SEMA6D: variants seen among roughly 807,000 people sequenced by gnomAD.
SEMA6D encodes the protein semaphorin-6D.
In SEMA6D, 35 loss-of-function variants were observed where a neutral mutation model predicts 106.6. The ratio of observed to expected loss-of-function variants is 0.33; its 90% confidence interval spans 0.25 to 0.44. The LOEUF (loss-of-function observed/expected upper bound fraction) is 0.44. SEMA6D is among the 20% of genes least tolerant of loss of function. SEMA6D has a pLI of 1.00. For missense variants in SEMA6D, 1,185 were observed against 1,345.9 expected (o/e 0.88, Z 1.87); for synonymous variants, 499 against 487.7 (o/e 1.02, Z -0.31).
chr15:47,200,135 C>A (rs1187364531), intron 1 of SEMA6D, among the ~76,000 whole-genome samples: 1 of 152,070 alleles, frequency 6.6e-6, no homozygotes, highest in Non-Finnish European at 1.5e-5. Flanking sequence ...CAAAGGAACA[C>A]TGAAGATTAT....
intron 3 of SEMA6D, among the ~76,000 whole-genome samples, chr15:47,475,686 G>T (rs932828876): frequency 5.3e-5 from 8 of 152,174 alleles, no homozygotes; most frequent in African/African-American, 1.9e-4. Context: ...CCAGTTCATA[G>T]TAAGTCAGAT....
At chr15:47,468,846 T>C (rs1349857311) in intron 2 of SEMA6D, among the ~76,000 whole-genome samples, 2 of 152,090 alleles carry the variant, frequency 1.3e-5, no homozygotes, top group Non-Finnish European at 2.9e-5. Flanking sequence ...CTGCATTCGC[T>C]TACCCTCATC....
chr15:47,556,442 G>A (rs186212978), intron 3 of SEMA6D, among the ~76,000 whole-genome samples: 37 of 152,176 alleles, frequency 2.4e-4, no homozygotes, highest in Non-Finnish European at 1.8e-4. Flanking sequence ...TTCTGAGAAC[G>A]CTTGCTTATC....
intron 1 of SEMA6D, among the ~76,000 whole-genome samples, chr15:47,271,096 T>A (rs1163264946): frequency 6.6e-6 from 1 of 152,178 alleles, no homozygotes; most frequent in East Asian, 1.9e-4. Flanking sequence ...TTTAATGAAA[T>A]ACACAAACCG....
chr15:47,257,064 T>A (rs189730830), intron 1 of SEMA6D, among the ~76,000 whole-genome samples: 3,518 of 150,562 alleles, frequency 0.023, 92 homozygotes, highest in South Asian at 0.12. Flanking sequence ...AGAATTCTTT[T>A]TTTTTTTTTT....
At chr15:47,558,712 G>A (rs147742891) in intron 3 of SEMA6D, among the ~76,000 whole-genome samples, 1 of 152,138 alleles carries the variant, frequency 6.6e-6, no homozygotes, top group African/African-American at 2.4e-5. Context: ...TAAAATCTAT[G>A]AGACATGGAA....
intron 4 of SEMA6D, among the ~76,000 whole-genome samples, chr15:47,681,158 C>A (rs1286820152): frequency 6.6e-6 from 1 of 152,114 alleles, no homozygotes; most frequent in Non-Finnish European, 1.5e-5. Context: ...GCATTAGTCA[C>A]AATAGCCAAG....
At chr15:47,541,218 G>A (rs2045343384) in intron 3 of SEMA6D, among the ~76,000 whole-genome samples, 1 of 152,124 alleles carries the variant, frequency 6.6e-6, no homozygotes, top group African/African-American at 2.4e-5. Flanking sequence ...TGAAAATGCT[G>A]TTAGGAAGGC....
intron 2 of SEMA6D, among the ~76,000 whole-genome samples, chr15:47,433,435 G>A (rs1354158515): frequency 3.3e-5 from 5 of 151,922 alleles, no homozygotes; most frequent in African/African-American, 1.2e-4. Flanking sequence ...CCACAGTAGA[G>A]ACTTCAATGA....
At chr15:47,560,008 A>G (rs1362090232) in intron 3 of SEMA6D, among the ~76,000 whole-genome samples, 1 of 152,156 alleles carries the variant, frequency 6.6e-6, no homozygotes, top group Non-Finnish European at 1.5e-5. Flanking sequence ...GAGTAGGAAC[A>G]TCAGCAGCTA....
chr15:47,219,104 G>A (rs1181717474), intron 1 of SEMA6D, among the ~76,000 whole-genome samples: 1 of 152,164 alleles, frequency 6.6e-6, no homozygotes, highest in East Asian at 1.9e-4. Context: ...ACTTGAAGAA[G>A]TAAATCTTTT....
chr15:47,745,343 T>C (rs1485795667), intron 1 of SEMA6D, among the ~76,000 whole-genome samples: 6 of 152,166 alleles, frequency 3.9e-5, no homozygotes, highest in Non-Finnish European at 8.8e-5. Context: ...TACAGGGTAA[T>C]GGAGGGACCA....
intron 4 of SEMA6D, among the ~76,000 whole-genome samples, chr15:47,692,301 A>G (rs2078605029): frequency 6.6e-6 from 1 of 152,124 alleles, no homozygotes; most frequent in African/African-American, 2.4e-5. Context: ...GCTTGTAGTT[A>G]AAAGTGTTAT....
rs1411158435 is a variant in SEMA6D, at chr15:47,771,618, G to T, written c.3055G>T (p.Val1019Phe). 1.2e-6 allele frequency: 2 copies of T among 1,614,010 alleles called. No homozygotes were observed. Among genetic ancestry groups the T allele is most frequent in the Non-Finnish European group, 1.7e-6 (2 of 1,179,996 alleles). The change falls in exon 19 of 19, where the codon GTT becomes TTT. Residue 1019 changes from valine (V) to phenylalanine (F), a missense_variant. By Grantham distance (50) the Val-to-Phe change is conservative. This residue lies in a region of SEMA6D where 750 missense variants were observed against 783.5 expected (regional missense o/e 0.96). Coordinates refer to ENST00000536845, the MANE Select transcript of SEMA6D (RefSeq NM_001358351.3). ...VDYIQGTPVSVHLQPSLSRQS... is the reference protein window; with the variant it reads ...VDYIQGTPVSFHLQPSLSRQS... ...CTATATTCAGGGAACACCAGTGAGT[G>T]TTCATCTGCAGCCTTCCCTCTCCAG...
At chr15:47,255,417 T>C (rs953815537) in intron 1 of SEMA6D, among the ~76,000 whole-genome samples, 1 of 152,220 alleles carries the variant, frequency 6.6e-6, no homozygotes, top group Middle Eastern at 3.4e-3. Flanking sequence ...TTTATTTTTT[T>C]AATCTCTATT....
At chr15:47,484,603 T>G (rs1043348505) in intron 3 of SEMA6D, among the ~76,000 whole-genome samples, 7 of 152,294 alleles carry the variant, frequency 4.6e-5, no homozygotes, top group African/African-American at 1.7e-4. Context: ...TATTACCAGT[T>G]AGTTCATGAA....
Position 47,453,958 on chromosome 15 carries a change from C to T in SEMA6D, c.-158-16516C>T, listed in dbSNP as rs146880988. On this transcript the variant is annotated intron_variant, in intron 2 of 19. Transcript: ENST00000558014. ...GCTCTTTTTGGCCATGTGAATCTGA[C>T]GCCCCAATGATTGTGGCTGCCACTG... Among the ~76,000 whole-genome samples the T allele has an allele frequency of 2.2e-3, 332 of 152,032 alleles. 2 individuals are homozygous for T. Among genetic ancestry groups the T allele is most frequent in the African/African-American group, 7.4e-3 (306 of 41,522 alleles).
At chr15:47,366,834 A>G (rs757380494) in intron 1 of SEMA6D, among the ~76,000 whole-genome samples, 63 of 152,214 alleles carry the variant, frequency 4.1e-4, no homozygotes, top group Non-Finnish European at 5.4e-4. Flanking sequence ...GGGTAGGGCC[A>G]GATCACATAG....
rs749355149 is a variant in SEMA6D, at chr15:47,768,714, T to C, written c.1899T>C (p.Ser633=). The C allele has an allele frequency of 1.4e-5, 23 of 1,613,382 alleles. No individual in the cohort carries two copies. Among genetic ancestry groups the C allele is most frequent in the East Asian group, 2.2e-5 (1 of 44,880 alleles). Residue 633 remains serine, a synonymous_variant, in exon 18 of 19, where the codon TCT becomes TCC. Coordinates refer to ENST00000536845, the MANE Select transcript of SEMA6D (RefSeq NM_001358351.3). ...KFVVQDDPNT[S]DFTDPLSGIP... ...TAGTTCAAGATGATCCAAACACTTCTGATTTTACTGATCCTTTATCGGGTA... is the reference window on the plus strand; with the variant it reads ...TAGTTCAAGATGATCCAAACACTTCCGATTTTACTGATCCTTTATCGGGTA...
Sources: allele counts gnomAD v4.1 joint callset (sites outside exome capture counted in the v4.1 genomes callset), GRCh38; gene constraint gnomAD v4.1.1; regional missense constraint gnomAD v4.1.1; transcripts MANE v1.5; gene names NCBI Gene and HGNC (gene_info 2026-07-23, HGNC 2026-07-21).